VPS8: variants seen among roughly 807,000 people sequenced by gnomAD.
VPS8 encodes the protein VPS8 subunit of CORVET complex, also known as vacuolar protein sorting-associated protein 8 homolog.
A neutral mutation model predicts 216.4 loss-of-function variants in VPS8; 129 were observed. The observed-to-expected ratio is 0.60, with a 90% confidence interval of 0.52 to 0.69. The LOEUF is 0.69. Among genes scored for constraint, VPS8 ranks in the 30% least tolerant of loss-of-function variants. The pLI is 0.00. For missense variants in VPS8, 1,531 were observed against 1,683.5 expected (o/e 0.91, Z 1.59); for synonymous variants, 571 against 565.4 (o/e 1.01, Z -0.14).
At chr3:184,992,884 A>C (rs900763376) in intron 42 of VPS8, among the ~76,000 whole-genome samples, 1 of 152,192 alleles carries the variant, frequency 6.6e-6, no homozygotes, top group African/African-American at 2.4e-5. Context: ...TAGCCATGAA[A>C]ATGCCCTTTG....
Position 184,915,001 on chromosome 3 carries a change from C to T in VPS8, c.2210C>T (p.Ala737Val). ...TCTAGCTGTTGTCTAGCAGGTCGTGCCTATCCCCTTGGTGACATCCCTGAA... is the reference window on the plus strand; with the variant it reads ...TCTAGCTGTTGTCTAGCAGGTCGTGTCTATCCCCTTGGTGACATCCCTGAA... ...VYISCCLAGR[A>V]YPLGDIPEDL... Residue 737 changes from alanine to valine, a missense_variant, in exon 27 of 48, where the codon GCC becomes GTC. Transcript: ENST00000625842. The T allele has an allele frequency of 6.2e-7, 1 of 1,614,012 alleles. No individual in the cohort carries two copies. The highest frequency in any genetic ancestry group is 8.5e-7 in the Non-Finnish European group (1 of 1,179,872).
In VPS8 at chr3:184,869,546, G is replaced by A. The variant is rs1727964805; in HGVS notation, c.1644+18G>A. 1 of 1,612,358 alleles carries A rather than the reference G, an allele frequency of 6.2e-7. No homozygotes were observed. The highest frequency in any genetic ancestry group is 1.7e-5 in the Admixed American group (1 of 59,924). ...CAGACCGGGTGAGTATTTTAAGAGGGTCTTTACTAGAATACAGTGCAGATT... is the reference window on the plus strand; with the variant it reads ...CAGACCGGGTGAGTATTTTAAGAGGATCTTTACTAGAATACAGTGCAGATT... On this transcript the variant is annotated intron_variant, in intron 20 of 47. Coordinates refer to ENST00000625842, the MANE Select transcript of VPS8 (RefSeq NM_001009921.3).
At chr3:185,004,198 G>C (rs6444013) in intron 45 of VPS8, among the ~76,000 whole-genome samples, 135,367 of 151,872 alleles carry the variant, frequency 0.89, 61,643 homozygotes, top group Non-Finnish European at 0.98. Context: ...CCATTGAGCA[G>C]TGAGTGAACG....
chr3:184,849,344 C>T (rs1214976793), intron 9 of VPS8, 149 bp downstream of exon 9: 1 of 959,844 alleles, frequency 1.0e-6, no homozygotes, highest in East Asian at 3.0e-5. Flanking sequence ...TGAGTTTTGT[C>T]TTGTTCAAAA....
At chr3:184,913,590 T>C in intron 26 of VPS8, 29 bp downstream of exon 26, 3 of 1,514,614 alleles carry the variant, frequency 2.0e-6, no homozygotes, top group Non-Finnish European at 2.7e-6. Context: ...TTCATCTGCA[T>C]GTATGTTCTT....
chr3:185,040,529 C>T (rs1348283976), intron 46 of VPS8, among the ~76,000 whole-genome samples: 3 of 152,108 alleles, frequency 2.0e-5, no homozygotes, highest in Non-Finnish European at 4.4e-5. Flanking sequence ...GGCAGAACAT[C>T]CACAATCCAT....
intron 28 of VPS8, 74 bp downstream of exon 28, chr3:184,915,548 C>A (rs1284077340): frequency 2.0e-6 from 3 of 1,509,596 alleles, no homozygotes; most frequent in Non-Finnish European, 2.7e-6. Flanking sequence ...TGTGGTGGCT[C>A]ACCCCTGTAA....
intron 36 of VPS8, among the ~76,000 whole-genome samples, chr3:184,941,725 C>T (rs1212479970): frequency 6.6e-6 from 1 of 152,024 alleles, no homozygotes; most frequent in Non-Finnish European, 1.5e-5. Context: ...CCATACTTTT[C>T]CCAGTGTTAG....
intron 43 of VPS8, 42 bp from the exon 44 acceptor site, chr3:184,996,290 A>C: frequency 3.2e-6 from 5 of 1,556,112 alleles, no homozygotes; most frequent in Non-Finnish European, 2.6e-6. Context: ...CTTTCATCTT[A>C]TAACCTTTTG....
intron 5 of VPS8, among the ~76,000 whole-genome samples, chr3:184,837,606 A>C (rs1386823167): frequency 6.6e-6 from 1 of 152,208 alleles, no homozygotes; most frequent in Non-Finnish European, 1.5e-5. Flanking sequence ...AGCCTTGCTC[A>C]TTGCTTTTTT....
intron 15 of VPS8, among the ~76,000 whole-genome samples, chr3:184,860,845 G>A (rs1211243777): frequency 7.3e-6 from 1 of 137,448 alleles, no homozygotes; most frequent in Non-Finnish European, 1.5e-5. Flanking sequence ...TTTTTGAGAT[G>A]GAGTCTTGCT....
intron 37 of VPS8, among the ~76,000 whole-genome samples, chr3:184,963,988 C>T (rs1392207482): frequency 6.6e-6 from 1 of 151,990 alleles, no homozygotes; most frequent in African/African-American, 2.4e-5. Context: ...TGTGAAATCT[C>T]TCTTTGCTGT....
intron 28 of VPS8, among the ~76,000 whole-genome samples, chr3:184,916,537 A>C (rs1477223423): frequency 6.6e-6 from 1 of 152,020 alleles, no homozygotes; most frequent in East Asian, 1.9e-4. Context: ...TAAACTATTA[A>C]ATTATTTTAA....
At chr3:184,958,722 T>G (rs899262908) in intron 37 of VPS8, among the ~76,000 whole-genome samples, 1 of 152,128 alleles carries the variant, frequency 6.6e-6, no homozygotes, top group Non-Finnish European at 1.5e-5. Flanking sequence ...GGAGAGTTGG[T>G]CAGATATTGG....
Position 184,982,630 on chromosome 3 carries a change from C to T in VPS8, c.3485C>T (p.Pro1162Leu), listed in dbSNP as rs1750405325. 1.9e-6 allele frequency: 3 copies of T among 1,610,218 alleles called. No individual in the cohort carries two copies. Among genetic ancestry groups the T allele is most frequent in the East Asian group, 2.2e-5 (1 of 44,798 alleles). Residue 1162 changes from proline to leucine, a missense_variant, in exon 41 of 48, where the codon CCT (proline) becomes CTT (leucine). Transcript: ENST00000625842. ...APQKLSSSAI[P>L]HLHSEALKSL... ...CAGAAGCTGTCCAGTTCAGCCATTC[C>T]TCATCTACACTCTGAAGGTAAGTTC...
At chr3:184,915,611 C>CCT in intron 28 of VPS8, 137 bp downstream of exon 28, 1 of 881,264 alleles carries the variant, frequency 1.1e-6, no homozygotes, top group Non-Finnish European at 1.6e-6. Context: ...GAGTTCCAGA[C>CCT]CAGCCTGGTC....
At chr3:185,016,555 C>G (rs1755824422) in intron 45 of VPS8, among the ~76,000 whole-genome samples, 1 of 152,194 alleles carries the variant, frequency 6.6e-6, no homozygotes, top group Non-Finnish European at 1.5e-5. Context: ...TAAATGCAAA[C>G]TGTTCACAGT....
At chr3:185,015,355 T>A (rs1265238249) in intron 45 of VPS8, among the ~76,000 whole-genome samples, 1 of 152,258 alleles carries the variant, frequency 6.6e-6, no homozygotes, top group Admixed American at 6.5e-5. Context: ...AATAAAGTCA[T>A]CAGTTGTTCA....
intron 45 of VPS8, among the ~76,000 whole-genome samples, chr3:185,018,154 A>C (rs1412840471): frequency 6.6e-6 from 1 of 152,180 alleles, no homozygotes; most frequent in Non-Finnish European, 1.5e-5. Context: ...GATAGAATCA[A>C]CTAAATGTGC....
Sources: gnomAD v4.1 joint callset for allele counts (sites outside exome capture counted in the v4.1 genomes callset) on GRCh38, gnomAD v4.1.1 for gene constraint, MANE v1.5 for transcripts, NCBI Gene and HGNC (gene_info 2026-07-23, HGNC 2026-07-21) for gene names.